The following ATE1 variants were observed in gnomAD, a reference collection of about 807,000 sequenced individuals.
ATE1 encodes the protein arginyltransferase 1.
In ATE1, 36 loss-of-function variants were observed where a neutral mutation model predicts 70.5. That is an observed-to-expected ratio of 0.51 (90% CI 0.39 to 0.67). The LOEUF is 0.67. Ranked by LOEUF, ATE1 falls within the 30% of genes least tolerant of loss-of-function variation. The pLI is 0.00. For synonymous variants in ATE1, 232 were observed against 219.3 expected, an observed-to-expected ratio of 1.06 and a Z score of -0.51; for missense variants, 593 against 629.5, an observed-to-expected ratio of 0.94 and a Z score of 0.62.
At chr10:121,861,486 G>C (rs958436957) in intron 8 of ATE1, among the ~76,000 whole-genome samples, 1 of 150,584 alleles carries the variant, frequency 6.6e-6, no homozygotes, top group Non-Finnish European at 1.5e-5. Context: ...GTAAACTATC[G>C]CAAGAACAAA....
chr10:121,916,924 G>A (rs1951684903), intron 3 of ATE1, among the ~76,000 whole-genome samples: 1 of 152,078 alleles, frequency 6.6e-6, no homozygotes, highest in Admixed American at 6.6e-5. Context: ...TGCACTTTGG[G>A]AGGCCGAGGT....
intron 8 of ATE1, among the ~76,000 whole-genome samples, chr10:121,868,540 C>T (rs1194916219): frequency 1.3e-5 from 2 of 152,182 alleles, no homozygotes; most frequent in Admixed American, 6.5e-5. Flanking sequence ...TCACTTCACA[C>T]CTAACTCTTA....
chr10:121,900,186 T>A (rs1950926203), intron 6 of ATE1, among the ~76,000 whole-genome samples, 192 bp from the exon 7 acceptor site: 1 of 152,176 alleles, frequency 6.6e-6, no homozygotes, highest in Admixed American at 6.6e-5. Flanking sequence ...ACAGACTCAT[T>A]AAGAAGAGGA....
intron 5 of ATE1, among the ~76,000 whole-genome samples, chr10:121,903,478 A>G (rs997526063): frequency 6.6e-6 from 1 of 151,908 alleles, no homozygotes; most frequent in African/African-American, 2.4e-5. Flanking sequence ...CCTGAGGTTG[A>G]GAGTTCGAGA....
At chr10:121,754,693 C>T (rs1470944816) in intron 11 of ATE1, among the ~76,000 whole-genome samples, 1 of 152,160 alleles carries the variant, frequency 6.6e-6, no homozygotes, top group Non-Finnish European at 1.5e-5. Context: ...AGATATAAGT[C>T]TGACACAATA....
chr10:121,874,716 G>A (rs935898791), intron 7 of ATE1, among the ~76,000 whole-genome samples: 4 of 152,150 alleles, frequency 2.6e-5, no homozygotes, highest in Non-Finnish European at 5.9e-5. Context: ...CTTAAAAGAT[G>A]ACAACAAGGC....
chr10:121,919,040 G>A (rs113537543), intron 3 of ATE1, among the ~76,000 whole-genome samples: 6 of 144,772 alleles, frequency 4.1e-5, no homozygotes, highest in East Asian at 3.9e-4. Flanking sequence ...TCAGCACTCT[G>A]TAAAATGGAC....
chr10:121,880,333 T>A (rs189406527), intron 7 of ATE1, among the ~76,000 whole-genome samples: 1 of 152,186 alleles, frequency 6.6e-6, no homozygotes, highest in East Asian at 1.9e-4. Flanking sequence ...ACACTTATAT[T>A]TTAAATTTTA....
chr10:121,821,713 T>G (rs896772004), intron 10 of ATE1, among the ~76,000 whole-genome samples: 1 of 152,160 alleles, frequency 6.6e-6, no homozygotes, highest in African/African-American at 2.4e-5. Context: ...GAACCCCATC[T>G]CTACTAAAAA....
intron 3 of ATE1, among the ~76,000 whole-genome samples, chr10:121,914,691 C>A (rs950451885): frequency 6.6e-6 from 1 of 152,098 alleles, no homozygotes; most frequent in South Asian, 2.1e-4. Context: ...GATGACTAGA[C>A]GACTCCCTAC....
At chr10:121,850,585 G>A (rs2133867685) in intron 8 of ATE1, among the ~76,000 whole-genome samples, 1 of 152,220 alleles carries the variant, frequency 6.6e-6, no homozygotes, top group East Asian at 1.9e-4. Flanking sequence ...AGGGCCTCAG[G>A]GACCCCTGGC....
chr10:121,757,736 ACTCCCACTGGGTCC>A (rs1366181294), intron 11 of ATE1, among the ~76,000 whole-genome samples: 1 of 152,068 alleles, frequency 6.6e-6, no homozygotes, highest in East Asian at 1.9e-4. Flanking sequence ...TCAATCATTC[ACTCCCACTGGGTCC>A]CTCCCACAAC....
chr10:121,841,277 G>C lies in ATE1; in HGVS notation c.976-14C>G, dbSNP rs755786490. ...GGGAGTCTCTGCCTAAGAAAAAGCA[G>C]AGGCACAAACAGCCATTTTTTTAAT... On this transcript the variant is annotated splice_polypyrimidine_tract_variant and intron_variant, in intron 8 of 11. Coordinates refer to ENST00000224652, the MANE Select transcript of ATE1 (RefSeq NM_001001976.3). The C allele has an allele frequency of 1.5e-5, 22 of 1,436,950 alleles. No homozygotes were observed. Among genetic ancestry groups the C allele is most frequent in the Non-Finnish European group, 1.8e-5 (20 of 1,087,290 alleles). The allele number at this position is 1,436,950 out of a possible 1,614,324, so 89.0% of individuals were successfully genotyped here. A position where few individuals can be genotyped will look rare whatever the true frequency, so the allele number is the denominator to read the frequency against.
intron 7 of ATE1, among the ~76,000 whole-genome samples, chr10:121,896,108 T>C (rs1458404939): frequency 6.6e-6 from 1 of 152,248 alleles, no homozygotes; most frequent in East Asian, 1.9e-4. Flanking sequence ...TTTATCTAAG[T>C]GCCCAAGTGT....
At position 121,915,977 on chromosome 10, in the gene ATE1, C is replaced by T. The variant is rs747698589; in HGVS notation, c.234-2084G>A. 1.1e-4 allele frequency among the ~76,000 whole-genome samples: 16 copies of T among 151,656 alleles called. 1 individual carries two copies. In the South Asian group the frequency reaches 1.2e-3, roughly 12 times the overall value. ...TTCGGCCAGGCACAGTGGCTCATGC[C>T]TGTAATATCAGCACTTTGGGAGGCC... On this transcript the variant is annotated intron_variant, in intron 3 of 11. Coordinates refer to ENST00000224652, the MANE Select transcript of ATE1 (RefSeq NM_001001976.3).
intron 8 of ATE1, among the ~76,000 whole-genome samples, chr10:121,863,451 C>G (rs936531105): frequency 6.6e-6 from 1 of 151,864 alleles, no homozygotes; most frequent in African/African-American, 2.4e-5. Flanking sequence ...CAGGGTTTCA[C>G]CATATTGGCC....
intron 11 of ATE1, among the ~76,000 whole-genome samples, chr10:121,753,140 C>T (rs1944655467): frequency 6.6e-6 from 1 of 152,166 alleles, no homozygotes; most frequent in African/African-American, 2.4e-5. Context: ...TTTTAAATTG[C>T]TCACTGTTTA....
At chr10:121,817,550 A>AAG (rs1947608208) in intron 10 of ATE1, among the ~76,000 whole-genome samples, 1 of 148,946 alleles carries the variant, frequency 6.7e-6, no homozygotes, top group African/African-American at 2.5e-5. Context: ...AAAAAAAAAA[A>AAG]GAAGAGCTCA....
intron 8 of ATE1, among the ~76,000 whole-genome samples, chr10:121,845,581 AG>A (rs1294738621): frequency 6.6e-6 from 1 of 152,198 alleles, no homozygotes; most frequent in Admixed American, 6.5e-5. Flanking sequence ...TGAAGGTAAC[AG>A]GAACTCTGCA....
Sources: allele counts gnomAD v4.1 joint callset (sites outside exome capture counted in the v4.1 genomes callset), GRCh38; gene constraint gnomAD v4.1.1; transcripts MANE v1.5; gene names NCBI Gene and HGNC (gene_info 2026-07-23, HGNC 2026-07-21).